SEMA5A: variants seen among roughly 807,000 people sequenced by gnomAD.
SEMA5A encodes semaphorin 5A.
Under a neutral mutation model 135.5 loss-of-function variants are expected in SEMA5A, and 55 were observed. The observed-to-expected ratio is 0.41, with a 90% confidence interval of 0.33 to 0.51. SEMA5A has a LOEUF of 0.51. SEMA5A is among the 20% of genes least tolerant of loss of function. The pLI, the probability that SEMA5A is intolerant of heterozygous loss-of-function variation, is 0.37. For missense variants in SEMA5A, 1,290 were observed against 1,419.9 expected, an observed-to-expected ratio of 0.91 and a Z score of 1.47; for synonymous variants, 580 against 546.5, an observed-to-expected ratio of 1.06 and a Z score of -0.85.
chr5:9,174,130 T>A (rs1744079173), intron 11 of SEMA5A, among the ~76,000 whole-genome samples: 1 of 152,234 alleles, frequency 6.6e-6, no homozygotes. Context: ...ATACTGTTTT[T>A]CCCATGCCTG....
intron 2 of SEMA5A, among the ~76,000 whole-genome samples, chr5:9,399,765 A>G (rs2657027): frequency 0.24 from 35,922 of 151,950 alleles, 4,887 homozygotes; most frequent in East Asian, 0.45. Context: ...CTTGAGGGGA[A>G]CTTCTCAGTC....
At chr5:9,251,615 C>T (rs369495371) in intron 5 of SEMA5A, among the ~76,000 whole-genome samples, 93 of 152,228 alleles carry the variant, frequency 6.1e-4, no homozygotes, top group Non-Finnish European at 1.2e-3. Flanking sequence ...TAAATGTATA[C>T]GGCAGAAAGC....
intron 16 of SEMA5A, among the ~76,000 whole-genome samples, chr5:9,079,931 G>T (rs1738280669): frequency 6.6e-6 from 1 of 152,126 alleles, no homozygotes; most frequent in Admixed American, 6.6e-5. Context: ...AAATGGGAAT[G>T]ATTTTACACT....
chr5:9,379,885 T>C lies in SEMA5A; in HGVS notation c.62A>G (p.His21Arg). Residue 21 changes from histidine to arginine, a missense_variant, in exon 3 of 23, where the codon CAC (histidine) becomes CGC (arginine). His to Arg is a conservative substitution (Grantham distance 29, BLOSUM62 0). Around this residue, in one of 3 missense-constraint regions of SEMA5A, gnomAD observed 116 missense variants for 121.3 expected, o/e 0.96. Coordinates refer to ENST00000382496, the MANE Select transcript of SEMA5A (RefSeq NM_003966.3). ...FSSLGLWRLA[H>R]PEAQGTTQCQ... Reference sequence around the variant, plus strand: ...CTGAGTCGTACCCTGGGCCTCTGGGTGGGCGAGTCTCCACAGCCCCAGGCT... The same window carrying C: ...CTGAGTCGTACCCTGGGCCTCTGGGCGGGCGAGTCTCCACAGCCCCAGGCT... 1 of 1,614,070 alleles carries C rather than the reference T, an allele frequency of 6.2e-7. No individual in the cohort carries two copies. The highest frequency in any genetic ancestry group is 8.5e-7 in the Non-Finnish European group (1 of 1,180,004).
chr5:9,284,511 G>A (rs1310217279), intron 5 of SEMA5A, among the ~76,000 whole-genome samples: 2 of 152,172 alleles, frequency 1.3e-5, no homozygotes, highest in African/African-American at 4.8e-5. Flanking sequence ...AGGAAAGATG[G>A]CAACATAATT....
chr5:9,457,003 A>G (rs904038777), intron 1 of SEMA5A, among the ~76,000 whole-genome samples: 3 of 152,160 alleles, frequency 2.0e-5, no homozygotes, highest in African/African-American at 7.2e-5. Flanking sequence ...TAAGACATTG[A>G]AAGATCTGGA....
chr5:9,185,106 T>C (rs547520694), intron 11 of SEMA5A, among the ~76,000 whole-genome samples: 16 of 152,318 alleles, frequency 1.1e-4, no homozygotes, highest in African/African-American at 3.6e-4. Context: ...TTTAAAAATG[T>C]TTGTAGATGT....
At chr5:9,541,990 G>A (rs1265183714) in intron 1 of SEMA5A, among the ~76,000 whole-genome samples, 1 of 152,110 alleles carries the variant, frequency 6.6e-6, no homozygotes, top group Non-Finnish European at 1.5e-5. Context: ...CTTCAATTTT[G>A]AATCGAAGCA....
chr5:9,154,097 G>GTGTT (rs1553993822), intron 12 of SEMA5A, among the ~76,000 whole-genome samples: 1 of 111,400 alleles, frequency 9.0e-6, no homozygotes, highest in African/African-American at 3.2e-5. Context: ...ATATATATGT[G>GTGTT]TGTGTGTGTA....
chr5:9,428,548 T>C lies in SEMA5A; in HGVS notation c.-78+9208A>G, dbSNP rs3905930. On this transcript the variant is annotated intron_variant, in intron 2 of 22. Coordinates refer to ENST00000382496, the MANE Select transcript of SEMA5A (RefSeq NM_003966.3). ...CCTTCCTTTTCTGTTCTCTTCTACA[T>C]CTCATAGATAACCATTAATAAGAAA... Among the ~76,000 whole-genome samples, 674 of 152,250 alleles carry C rather than the reference T, an allele frequency of 4.4e-3. 4 individuals carry two copies. The highest frequency in any genetic ancestry group is 0.015 in the African/African-American group (641 of 41,536).
At chr5:9,469,783 G>T (rs1195259071) in intron 1 of SEMA5A, among the ~76,000 whole-genome samples, 3 of 152,216 alleles carry the variant, frequency 2.0e-5, no homozygotes, top group Non-Finnish European at 4.4e-5. Flanking sequence ...CCTTCAGCAT[G>T]CAAGAACCCC....
intron 11 of SEMA5A, among the ~76,000 whole-genome samples, chr5:9,171,182 T>A (rs1743901254): frequency 6.6e-6 from 1 of 152,210 alleles, no homozygotes; most frequent in African/African-American, 2.4e-5. Context: ...GTCCTTTTTT[T>A]TCTTTTAAAA....
intron 1 of SEMA5A, among the ~76,000 whole-genome samples, chr5:9,462,335 C>T (rs748671854): frequency 2.2e-4 from 33 of 152,066 alleles, no homozygotes; most frequent in Admixed American, 3.9e-4. Flanking sequence ...CAGATGCTGG[C>T]GTGGTTACAG....
intron 1 of SEMA5A, among the ~76,000 whole-genome samples, chr5:9,527,788 G>A (rs1345587090): frequency 6.6e-6 from 1 of 152,134 alleles, no homozygotes; most frequent in Non-Finnish European, 1.5e-5. Flanking sequence ...GATTGAGCAT[G>A]TTCCTCAGGT....
intron 15 of SEMA5A, among the ~76,000 whole-genome samples, chr5:9,118,779 C>A (rs1370335547): frequency 6.6e-6 from 1 of 152,192 alleles, no homozygotes; most frequent in Non-Finnish European, 1.5e-5. Flanking sequence ...GCGGAGCCAG[C>A]CCAGCTGTGT....
At chr5:9,312,054 T>G (rs1752162239) in intron 5 of SEMA5A, among the ~76,000 whole-genome samples, 1 of 152,146 alleles carries the variant, frequency 6.6e-6, no homozygotes, top group Admixed American at 6.6e-5. Flanking sequence ...CCCCTTTGTG[T>G]TTTTTGAACT....
At chr5:9,175,636 G>GCAAATTTC (rs1299861739) in intron 11 of SEMA5A, among the ~76,000 whole-genome samples, 1 of 151,996 alleles carries the variant, frequency 6.6e-6, no homozygotes, top group Non-Finnish European at 1.5e-5. Context: ...TGCTCATGGA[G>GCAAATTTC]CACTTGCAAA....
intron 2 of SEMA5A, among the ~76,000 whole-genome samples, chr5:9,403,133 C>T (rs183121876): frequency 1.8e-4 from 27 of 152,290 alleles, no homozygotes; most frequent in African/African-American, 6.3e-4. Context: ...TCCACAAAAG[C>T]TGTGTTAATT....
intron 5 of SEMA5A, among the ~76,000 whole-genome samples, chr5:9,306,431 T>A (rs1751873937): frequency 6.7e-6 from 1 of 149,324 alleles, no homozygotes; most frequent in Non-Finnish European, 1.5e-5. Flanking sequence ...GCTGTTAAAA[T>A]AATTCATATA....
Sources: allele counts gnomAD v4.1 joint callset (sites outside exome capture counted in the v4.1 genomes callset), GRCh38; gene constraint gnomAD v4.1.1; regional missense constraint gnomAD v4.1.1; transcripts MANE v1.5; gene names NCBI Gene and HGNC (gene_info 2026-07-23, HGNC 2026-07-21).